The following CHRDL1 variants were observed in gnomAD, a reference collection of about 807,000 sequenced individuals.
CHRDL1 encodes the protein chordin-like protein 1.
In CHRDL1, 19 loss-of-function variants were observed where a neutral mutation model predicts 40.9. The observed-to-expected ratio is 0.46, with a 90% CI of 0.32 to 0.68. The LOEUF (loss-of-function observed/expected upper bound fraction) is 0.68, where lower values mean the gene tolerates loss of function less well. CHRDL1 is among the 30% of genes least tolerant of loss of function. The pLI is 0.03. For synonymous variants in CHRDL1, 136 were observed against 123.4 expected (o/e 1.10, Z -0.68); for missense variants, 329 against 352.1 (o/e 0.93, Z 0.53).
chrX:110,769,424 A>G (rs1295613924), intron 2 of CHRDL1, among the ~76,000 whole-genome samples: 2 of 112,599 alleles, frequency 1.8e-5, no homozygotes, highest in Non-Finnish European at 3.7e-5. Context: ...AAATATTAGT[A>G]TTGGAATATT....
chrX:110,742,310 T>C (rs2071376089), intron 4 of CHRDL1, among the ~76,000 whole-genome samples: 1 of 111,901 alleles, frequency 8.9e-6, no homozygotes, highest in Non-Finnish European at 1.9e-5. Context: ...CTGCTACAGC[T>C]TTTTTATCAG....
At chrX:110,738,666 C>T (rs986760533) in intron 4 of CHRDL1, among the ~76,000 whole-genome samples, 1 of 106,343 alleles carries the variant, frequency 9.4e-6, no homozygotes, top group Non-Finnish European at 1.9e-5. Flanking sequence ...GGCGTGAACC[C>T]GGGAGGTGGA....
chrX:110,736,730 A>C, intron 4 of CHRDL1, among the ~76,000 whole-genome samples: 1 of 111,655 alleles, frequency 9.0e-6, no homozygotes, highest in South Asian at 3.9e-4. Flanking sequence ...ATATGCAAAC[A>C]ATTTAGAGGC....
At chrX:110,741,917 C>T (rs190751323) in intron 4 of CHRDL1, among the ~76,000 whole-genome samples, 9 of 111,587 alleles carry the variant, frequency 8.1e-5, no homozygotes, top group African/African-American at 2.3e-4. Context: ...TCTGCTTGGC[C>T]GAAACTCAGC....
chrX:110,681,675 T>C (rs750797902), intron 9 of CHRDL1, 26 bp from the exon 10 acceptor site: 1 of 1,139,871 alleles, frequency 8.8e-7, no homozygotes, highest in Non-Finnish European at 1.2e-6. Context: ...AAGTAGAATT[T>C]TGTCATGGTT....
At chrX:110,789,945 A>G (rs765540060) in intron 2 of CHRDL1, among the ~76,000 whole-genome samples, 30 of 112,258 alleles carry the variant, frequency 2.7e-4, no homozygotes, top group South Asian at 7.5e-4. Flanking sequence ...AGTGTTTTTA[A>G]TAGTAGCATT....
chrX:110,762,728 C>T lies in CHRDL1; in HGVS notation c.174G>A (p.Gly58=), dbSNP rs35235895. The T allele has an allele frequency of 8.9e-4, 1,058 of 1,185,517 alleles. 3 individuals carry two copies. The highest frequency in any genetic ancestry group is 9.4e-4 in the Non-Finnish European group (824 of 874,799). The change falls in exon 3 of 12, where the codon GGG becomes GGA. Residue 58 remains glycine, a synonymous_variant. Transcript: ENST00000372042. The part of the protein sequence containing the change: ...ERWHPYLEPY[G]LVYCVNCICS... Reference sequence around the variant, plus strand: ...AGATGCAGTTCACGCAGTAAACCAACCCATAAGGTTCCAGGTAAGGATGCC... The same window carrying T: ...AGATGCAGTTCACGCAGTAAACCAATCCATAAGGTTCCAGGTAAGGATGCC...
intron 8 of CHRDL1, among the ~76,000 whole-genome samples, chrX:110,689,883 A>G (rs2070207129): frequency 1.4e-5 from 1 of 72,125 alleles, no homozygotes; most frequent in East Asian, 3.4e-4. Flanking sequence ...ATATATCTAT[A>G]TATCTATATA....
rs112310537 is a variant in CHRDL1 at position 110,705,046 on chromosome X, A to G, written c.542-4325T>C. Among the ~76,000 whole-genome samples, 915 of 109,762 alleles carry G rather than the reference A, an allele frequency of 8.3e-3. 8 individuals carry two copies. The highest frequency in any genetic ancestry group is 0.029 in the African/African-American group (874 of 30,215). On this transcript the variant is annotated intron_variant, in intron 6 of 11. Coordinates refer to ENST00000372042, the MANE Select transcript of CHRDL1 (RefSeq NM_001143981.2). Reference sequence around the variant, plus strand: ...GATTTTAATTAAAGAGTGTCATTAAATACTTATAGTCCAGTCAGAATCTCA... The same window carrying G: ...GATTTTAATTAAAGAGTGTCATTAAGTACTTATAGTCCAGTCAGAATCTCA...
At chrX:110,733,710 C>G (rs1225376090) in intron 4 of CHRDL1, among the ~76,000 whole-genome samples, 2 of 110,216 alleles carry the variant, frequency 1.8e-5, no homozygotes, top group Admixed American at 1.9e-4. Context: ...GAGTTCGAGA[C>G]CAGCCTGGCC....
intron 3 of CHRDL1, among the ~76,000 whole-genome samples, chrX:110,760,174 G>A (rs956928348): frequency 1.8e-5 from 2 of 112,365 alleles, no homozygotes; most frequent in African/African-American, 3.2e-5. Context: ...TGGGCAAGGA[G>A]GCATCCCTAG....
Position 110,675,270 on chromosome X carries a change from T to C in CHRDL1, c.*961A>G, listed in dbSNP as rs745814582. The C allele has an allele frequency of 2.7e-5, 3 of 111,955 alleles. No individual in the cohort carries two copies. The highest frequency in any genetic ancestry group is 6.5e-5 in the African/African-American group (2 of 30,856). The allele number at this position is 111,955 out of a possible 1,213,427, so 9.2% of individuals were successfully genotyped here. On this transcript the variant is annotated 3_prime_UTR_variant, in exon 12 of 12. Transcript: ENST00000372042. ...TATTACTTGGTAAATTTTATTGATG[T>C]GAAAGCAAAAAGATGGCCTTTTTGA...
At chrX:110,753,601 C>G (rs73528251) in intron 4 of CHRDL1, among the ~76,000 whole-genome samples, 1 of 111,669 alleles carries the variant, frequency 9.0e-6, no homozygotes, top group Non-Finnish European at 1.9e-5. Flanking sequence ...CTCTTTTGAA[C>G]CTTCCCTAGA....
At chrX:110,785,214 C>A (rs1194586135) in intron 2 of CHRDL1, among the ~76,000 whole-genome samples, 1 of 111,492 alleles carries the variant, frequency 9.0e-6, no homozygotes, top group African/African-American at 3.3e-5. Context: ...GTGTCTAAAC[C>A]GCCCAGCTTT....
chrX:110,729,666 T>C (rs1311932013), intron 4 of CHRDL1, among the ~76,000 whole-genome samples: 2 of 111,983 alleles, frequency 1.8e-5, no homozygotes, highest in Non-Finnish European at 3.8e-5. Flanking sequence ...TTCTAGAACT[T>C]AAGACCTGAA....
intron 3 of CHRDL1, among the ~76,000 whole-genome samples, chrX:110,761,498 A>G (rs1400291076): frequency 8.9e-6 from 1 of 111,870 alleles, no homozygotes; most frequent in Non-Finnish European, 1.9e-5. Context: ...AGAATTCTCA[A>G]TGCCTAGTAC....
intron 6 of CHRDL1, among the ~76,000 whole-genome samples, chrX:110,717,387 T>C (rs914768437): frequency 2.7e-5 from 3 of 112,024 alleles, no homozygotes; most frequent in Non-Finnish European, 3.8e-5. Flanking sequence ...TGGAAGAATA[T>C]TGACCTATAA....
At chrX:110,690,878 T>A (rs2070261405) in intron 8 of CHRDL1, among the ~76,000 whole-genome samples, 2 of 111,310 alleles carry the variant, frequency 1.8e-5, no homozygotes, top group African/African-American at 6.5e-5. Context: ...AGTGGGAAGT[T>A]AAGTCATTGG....
chrX:110,786,319 T>G (rs745596639), intron 2 of CHRDL1, among the ~76,000 whole-genome samples: 1 of 112,264 alleles, frequency 8.9e-6, no homozygotes, highest in African/African-American at 3.2e-5. Flanking sequence ...CTTGCCCCTA[T>G]TCTTTCATCT....
Sources: allele counts gnomAD v4.1 joint callset (sites outside exome capture counted in the v4.1 genomes callset), GRCh38; gene constraint gnomAD v4.1.1; transcripts MANE v1.5; gene names NCBI Gene and HGNC (gene_info 2026-07-23, HGNC 2026-07-21).